Variants in C3orf18 observed in about 807,000 individuals in gnomAD.
The protein encoded by C3orf18 is uncharacterized protein C3orf18.
Under a neutral mutation model 14.1 loss-of-function variants are expected in C3orf18, and 12 were observed. The ratio of observed to expected loss-of-function variants is 0.85; its 90% CI spans 0.55 to 1.38. C3orf18 has a LOEUF of 1.38. C3orf18 is among the 40% of genes most tolerant of loss of function. The probability of loss-of-function intolerance (pLI) is 0.00; values close to 1 mark genes in which losing one functional copy is unlikely to be tolerated. For synonymous variants in C3orf18, 82 were observed against 87.9 expected (o/e 0.93, Z 0.38); for missense variants, 196 against 213.9 (o/e 0.92, Z 0.52).
At chr3:50,562,296 C>T (rs959388464) in intron 3 of C3orf18, 7 of 360,294 alleles carry the variant, frequency 1.9e-5, no homozygotes, top group Non-Finnish European at 3.3e-5. Flanking sequence ...CAGTTAGGCC[C>T]GGCCTGGGGA....
chr3:50,559,518 G>C lies in C3orf18; in HGVS notation c.*139C>G. On this transcript the variant is annotated 3_prime_UTR_variant, in exon 6 of 6. Coordinates refer to ENST00000357203, the MANE Select transcript of C3orf18 (RefSeq NM_016210.5). ...TCTAAAGTCAGCAGGTGGGTCTGGA[G>C]AACAGCTAGGACCTGGCTCAGCCCT... 7.0e-7 allele frequency: 1 copy of C among 1,433,680 alleles called. No individual in the cohort carries two copies. The highest frequency in any genetic ancestry group is 9.2e-7 in the Non-Finnish European group (1 of 1,090,674). The allele number at this position is 1,433,680 out of a possible 1,614,324, so 88.8% of individuals were successfully genotyped here.
intron 5 of C3orf18, 62 bp downstream of exon 5, chr3:50,560,855 G>A: frequency 8.6e-6 from 13 of 1,513,068 alleles, no homozygotes; most frequent in Non-Finnish European, 1.2e-5. Flanking sequence ...AGAAAGGAGG[G>A]AGGGTGAGGG....
chr3:50,561,318 T>A (rs1038185292), intron 4 of C3orf18, among the ~76,000 whole-genome samples: 1 of 152,230 alleles, frequency 6.6e-6, no homozygotes, highest in Admixed American at 6.5e-5. Flanking sequence ...CTGTCATCCA[T>A]GGGCCCCACA....
intron 1 of C3orf18, among the ~76,000 whole-genome samples, chr3:50,566,813 T>G: frequency 6.6e-6 from 1 of 151,984 alleles, no homozygotes; most frequent in South Asian, 2.1e-4. Context: ...TTTACCCTCC[T>G]CCCCTGGAAG....
chr3:50,567,211 G>GC (rs943229626), intron 1 of C3orf18, among the ~76,000 whole-genome samples: 1 of 152,136 alleles, frequency 6.6e-6, no homozygotes, highest in African/African-American at 2.4e-5. Flanking sequence ...CTTAACTCGT[G>GC]CCCTGGGGCT....
intron 3 of C3orf18, chr3:50,562,457 C>A (rs1700043046): frequency 2.2e-6 from 1 of 454,418 alleles, no homozygotes; most frequent in Admixed American, 2.3e-5. Context: ...AAGCCACATG[C>A]AGGCAAAAAG....
chr3:50,565,559 G>T lies in C3orf18; in HGVS notation c.141C>A (p.Thr47=). Residue 47 remains threonine (T), a synonymous_variant, in exon 3 of 6, where the codon ACC becomes ACA. Transcript: ENST00000357203. The surrounding 1 kb of genome is among the most constrained non-coding windows in gnomAD (Gnocchi z 4.4). Reference sequence around the variant, plus strand: ...TGCCACCAGCTGCATCAGGGATTCTGGTGTCATTAAAGGTGGTGGCCTCTG... The same window carrying T: ...TGCCACCAGCTGCATCAGGGATTCTTGTGTCATTAAAGGTGGTGGCCTCTG... ...LSPEATTFND[T]RIPDAAGGTA... 1 of 1,614,000 alleles carries T rather than the reference G, an allele frequency of 6.2e-7. No homozygotes were observed. The highest frequency in any genetic ancestry group is 8.5e-7 in the Non-Finnish European group (1 of 1,180,026).
chr3:50,564,463 C>T (rs376800763), intron 3 of C3orf18, among the ~76,000 whole-genome samples: 18 of 152,328 alleles, frequency 1.2e-4, no homozygotes, highest in African/African-American at 3.4e-4. Context: ...TCTCATGACA[C>T]GGAGGCCAGG....
At position 50,559,359 on chromosome 3, in the gene C3orf18, T is replaced by A; in HGVS notation, c.*298A>T. On this transcript the variant is annotated 3_prime_UTR_variant, in exon 6 of 6. Transcript: ENST00000357203. ...GCGGGGCAGACCCTGATGTGAGGGA[T>A]CTGGACAGGGGATGAGGAAGCCAGC... 2 of 1,310,862 alleles carry A rather than the reference T, an allele frequency of 1.5e-6. No individual in the cohort carries two copies. Among genetic ancestry groups the A allele is most frequent in the Non-Finnish European group, 2.0e-6 (2 of 1,021,380 alleles). 81.2% of individuals were successfully genotyped at this position (1,310,862 alleles called of 1,614,324 possible).
chr3:50,572,599 A>G (rs1242657801), upstream of C3orf18, among the ~76,000 whole-genome samples: 1 of 152,186 alleles, frequency 6.6e-6, no homozygotes, highest in Admixed American at 6.5e-5. Context: ...CCAGCCGGAC[A>G]CCTGGAGACC....
At chr3:50,571,257 C>G, upstream of C3orf18, 2 of 1,613,338 alleles carry the variant, frequency 1.2e-6, no homozygotes, top group African/African-American at 1.3e-5. Context: ...GGACTGGGGT[C>G]TTTGAGAAGA....
Position 50,561,027 on chromosome 3 carries a change from T to G in C3orf18, c.298A>C (p.Asn100His). ...KLRHQLMPMY[N>H]FDPTEEQDEL... ...TCTTGTTCCTCCGTGGGGTCGAAGT[T>G]GTACATGGGCATGAGCTGGTGGCGT... Residue 100 changes from asparagine to histidine, a missense_variant, in exon 5 of 6, where the codon AAC (asparagine) becomes CAC (histidine). By Grantham distance (68) the Asn-to-His change is moderately conservative (BLOSUM62 1). Transcript: ENST00000357203. The G allele has an allele frequency of 6.8e-6, 11 of 1,614,030 alleles. No individual in the cohort carries two copies. Among genetic ancestry groups the G allele is most frequent in the Non-Finnish European group, 9.3e-6 (11 of 1,179,956 alleles).
chr3:50,564,833 A>G (rs201212365), intron 3 of C3orf18, among the ~76,000 whole-genome samples: 1 of 152,078 alleles, frequency 6.6e-6, no homozygotes, highest in South Asian at 2.1e-4. Context: ...TTGCAACCCC[A>G]CATCCACTGC....
At position 50,565,787 on chromosome 3, in the gene C3orf18, T is replaced by A; in HGVS notation, c.-88A>T. 9.5e-7 allele frequency: 1 copy of A among 1,050,850 alleles called. No homozygotes were observed. The highest frequency in any genetic ancestry group is 1.4e-6 in the Non-Finnish European group (1 of 727,176). The allele number at this position is 1,050,850 out of a possible 1,614,324, so 65.1% of individuals were successfully genotyped here. ...CCTGACTCCGGAGTGCCCCAGCCTG[T>A]GGTTCCTGCCACCTGTGGTGGCCAC... On this transcript the variant is annotated 5_prime_UTR_variant, in exon 3 of 6. Transcript: ENST00000357203. The surrounding 1 kb of genome is among the most constrained non-coding windows in gnomAD (Gnocchi z 4.4).
At chr3:50,562,272 C>T in intron 3 of C3orf18, 1 of 284,694 alleles carries the variant, frequency 3.5e-6, no homozygotes, top group Non-Finnish European at 6.7e-6. Flanking sequence ...CTCCCTCCAG[C>T]CTGGGAGCCC....
At chr3:50,574,066 C>T (rs1358121344), upstream of C3orf18, among the ~76,000 whole-genome samples, 1 of 152,200 alleles carries the variant, frequency 6.6e-6, no homozygotes, top group East Asian at 1.9e-4. Context: ...TCTGCCCAGG[C>T]CTTGGGCCAG....
At chr3:50,564,365 A>C (rs1559440052) in intron 3 of C3orf18, among the ~76,000 whole-genome samples, 1 of 152,200 alleles carries the variant, frequency 6.6e-6, no homozygotes. Flanking sequence ...CTGACACCAG[A>C]TCAAGAGGCA....
intron 1 of C3orf18, among the ~76,000 whole-genome samples, chr3:50,567,246 G>C (rs1028954046): frequency 6.6e-6 from 1 of 152,172 alleles, no homozygotes; most frequent in Non-Finnish European, 1.5e-5. Flanking sequence ...TCCCAAAGGA[G>C]AGAAGAGGCC....
upstream of C3orf18, chr3:50,570,963 C>T (rs187340301): frequency 1.3e-3 from 769 of 578,762 alleles, 5 homozygotes; most frequent in African/African-American, 0.014. Flanking sequence ...GGACCAGAGC[C>T]ATTTTGGGGC....
Sources: allele counts gnomAD v4.1 joint callset (sites outside exome capture counted in the v4.1 genomes callset), GRCh38; gene constraint gnomAD v4.1.1; non-coding constraint Gnocchi (gnomAD v3.1); transcripts MANE v1.5; gene names NCBI Gene and HGNC (gene_info 2026-07-23, HGNC 2026-07-21).